Variants in COL4A5 observed in about 807,000 individuals in gnomAD.
COL4A5 encodes the protein collagen alpha-5(IV) chain.
In COL4A5, 26 loss-of-function variants were observed where a neutral mutation model predicts 130.2. The ratio of observed to expected loss-of-function variants is 0.20; its 90% CI spans 0.15 to 0.28. COL4A5 has a LOEUF of 0.28. Ranked by LOEUF, COL4A5 falls within the 10% of genes least tolerant of loss-of-function variation. COL4A5 has a pLI of 1.00. For synonymous variants in COL4A5, 496 were observed against 439.6 expected (o/e 1.13, Z -1.60); for missense variants, 1,131 against 1,344.3 (o/e 0.84, Z 2.48).
chrX:108,525,165 G>A (rs1337241360), intron 1 of COL4A5, among the ~76,000 whole-genome samples: 1 of 111,578 alleles, frequency 9.0e-6, no homozygotes, highest in Non-Finnish European at 1.9e-5. Context: ...ATGTATCTTG[G>A]TGTTCTGTTG....
intron 2 of COL4A5, among the ~76,000 whole-genome samples, chrX:108,546,474 A>G (rs1192394977): frequency 2.7e-5 from 3 of 112,112 alleles, no homozygotes; most frequent in Non-Finnish European, 3.8e-5. Context: ...CTGCCAAGAG[A>G]TCCACTGTTA....
chrX:108,653,731 G>GT (rs942499210), intron 36 of COL4A5, among the ~76,000 whole-genome samples: 1 of 110,309 alleles, frequency 9.1e-6, no homozygotes, highest in African/African-American at 3.3e-5. Context: ...TTTTTTTCTT[G>GT]TTTTTTATTT....
At chrX:108,450,105 A>T (rs1454024130) in intron 1 of COL4A5, among the ~76,000 whole-genome samples, 1 of 111,419 alleles carries the variant, frequency 9.0e-6, no homozygotes, top group Admixed American at 9.6e-5. Context: ...TTGAATTTTG[A>T]CCCTTGAGTG....
intron 36 of COL4A5, among the ~76,000 whole-genome samples, chrX:108,648,614 A>G (rs1453894579): frequency 1.8e-5 from 2 of 112,321 alleles, no homozygotes; most frequent in Non-Finnish European, 3.8e-5. Context: ...GATACACCAC[A>G]TAAACAGAAT....
intron 1 of COL4A5, among the ~76,000 whole-genome samples, chrX:108,449,638 G>A (rs1029795647): frequency 3.6e-5 from 4 of 112,052 alleles, no homozygotes; most frequent in African/African-American, 1.3e-4. Context: ...TGAAAGCTGA[G>A]AAGCCTAAGA....
chrX:108,557,436 A>G (rs2065838686), intron 2 of COL4A5, among the ~76,000 whole-genome samples: 2 of 112,117 alleles, frequency 1.8e-5, no homozygotes, highest in South Asian at 7.4e-4. Context: ...AAGTGTAGTA[A>G]TATGTCAGTA....
At chrX:108,690,931 A>C (rs1388535190) in intron 49 of COL4A5, among the ~76,000 whole-genome samples, 1 of 112,072 alleles carries the variant, frequency 8.9e-6, no homozygotes, top group Non-Finnish European at 1.9e-5. Flanking sequence ...ACAAAGGATG[A>C]ATGGATAAAG....
chrX:108,684,418 G>T (rs1025424752), intron 47 of COL4A5, among the ~76,000 whole-genome samples: 23 of 111,126 alleles, frequency 2.1e-4, no homozygotes, highest in Middle Eastern at 9.1e-3. Context: ...TGATAAAGGG[G>T]ATATCACCAC....
chrX:108,451,421 C>G (rs1281744075), intron 1 of COL4A5, among the ~76,000 whole-genome samples: 2 of 112,130 alleles, frequency 1.8e-5, no homozygotes, highest in Non-Finnish European at 3.8e-5. Flanking sequence ...AATCGCCACA[C>G]TGTCTTCTAC....
rs773019423 is a variant in COL4A5, at chrX:108,655,441, C to A, written c.3357C>A (p.Gly1119=). 2.3e-5 allele frequency: 28 copies of A among 1,209,599 alleles called. No individual in the cohort carries two copies. The South Asian group carries it at 4.2e-4, about 18-fold the overall frequency. ...CCCCTGGAGCAAAAGGACAACCAGG[C>A]CTTCCTGGATTCCCAGGTAAAATTT... ...PGTPGAKGQP[G]LPGFPGTPGP... The change falls in exon 37 of 53, where the codon GGC becomes GGA. Residue 1119 remains glycine, a synonymous_variant. Transcript: ENST00000328300.
intron 29 of COL4A5, among the ~76,000 whole-genome samples, chrX:108,614,591 G>C (rs1466878711): frequency 9.0e-6 from 1 of 111,428 alleles, no homozygotes; most frequent in East Asian, 2.8e-4. Context: ...TTAAAATATA[G>C]GTAACTTGAA....
intron 42 of COL4A5, chrX:108,670,571 A>G (rs2068181451): frequency 3.0e-6 from 1 of 329,488 alleles, no homozygotes; most frequent in Non-Finnish European, 5.6e-6. Context: ...TATATCTGTT[A>G]ATGCAAACGA....
chrX:108,609,513 G>A (rs1033679773), intron 29 of COL4A5, among the ~76,000 whole-genome samples: 9 of 111,319 alleles, frequency 8.1e-5, no homozygotes, highest in African/African-American at 1.3e-4. Context: ...ATGTTTATTA[G>A]CATTTTAGCC....
chrX:108,590,884 T>G (rs2082634263), intron 19 of COL4A5, among the ~76,000 whole-genome samples, 174 bp from the exon 20 acceptor site: 1 of 112,262 alleles, frequency 8.9e-6, no homozygotes, highest in Non-Finnish European at 1.9e-5. Context: ...AACTGTTACT[T>G]ACATTCTTTG....
intron 25 of COL4A5, among the ~76,000 whole-genome samples, chrX:108,600,642 TTAGATAGA>T (rs138215716): frequency 0.16 from 15,515 of 96,586 alleles, 1,588 homozygotes; most frequent in African/African-American, 0.36. Context: ...GATGGGTAGA[TTAGATAGA>T]TAGATAGATA....
intron 1 of COL4A5, among the ~76,000 whole-genome samples, chrX:108,485,732 G>A (rs2064937893): frequency 9.1e-6 from 1 of 109,958 alleles, no homozygotes; most frequent in Non-Finnish European, 1.9e-5. Context: ...TCAAGTGGAA[G>A]GAAGGGATCT....
intron 36 of COL4A5, among the ~76,000 whole-genome samples, chrX:108,642,295 C>T (rs2067483984): frequency 9.0e-6 from 1 of 110,576 alleles, no homozygotes; most frequent in South Asian, 3.9e-4. Context: ...ATGAGCCTTT[C>T]CTATCCACCC....
At chrX:108,616,645 A>G (rs1385804242) in intron 30 of COL4A5, among the ~76,000 whole-genome samples, 1 of 111,506 alleles carries the variant, frequency 9.0e-6, no homozygotes, top group African/African-American at 3.3e-5. Flanking sequence ...TTGAATTCTT[A>G]AGTCACAGCT....
chrX:108,496,859 G>A (rs2065040299), intron 1 of COL4A5, among the ~76,000 whole-genome samples: 1 of 110,603 alleles, frequency 9.0e-6, no homozygotes, highest in African/African-American at 3.3e-5. Context: ...TTTGATAGTC[G>A]TTTCTTTTTG....
Sources: gnomAD v4.1 joint callset for allele counts (sites outside exome capture counted in the v4.1 genomes callset) on GRCh38, gnomAD v4.1.1 for gene constraint, MANE v1.5 for transcripts, NCBI Gene and HGNC (gene_info 2026-07-23, HGNC 2026-07-21) for gene names.